The following GLG1 variants were observed in gnomAD, a reference collection of about 807,000 sequenced individuals.
The protein encoded by GLG1 is Golgi apparatus protein 1.
A neutral mutation model predicts 160.5 loss-of-function variants in GLG1; 38 were observed. The observed-to-expected ratio is 0.24, with a 90% confidence interval of 0.18 to 0.31. GLG1 has a LOEUF of 0.31. Among genes scored for constraint, GLG1 ranks in the 10% least tolerant of loss-of-function variants. The probability of loss-of-function intolerance (pLI) is 1.00; values close to 1 mark genes in which losing one functional copy is unlikely to be tolerated. For synonymous variants in GLG1, 644 were observed against 543.4 expected, an observed-to-expected ratio of 1.19 and a Z score of -2.57; for missense variants, 1,373 against 1,505.2, an observed-to-expected ratio of 0.91 and a Z score of 1.45.
At chr16:74,602,136 A>G (rs1157638180) in intron 1 of GLG1, among the ~76,000 whole-genome samples, 4 of 152,162 alleles carry the variant, frequency 2.6e-5, no homozygotes, top group African/African-American at 9.7e-5. Context: ...TGAGTCTAAA[A>G]GGGGGTTTAT....
intron 25 of GLG1, among the ~76,000 whole-genome samples, chr16:74,453,630 T>A (rs1332414982): frequency 1.3e-5 from 2 of 152,180 alleles, no homozygotes; most frequent in African/African-American, 4.8e-5. Context: ...TGTCGGGCCC[T>A]GGACGAAGGG....
At position 74,480,390 on chromosome 16, in the gene GLG1, C is replaced by T; in HGVS notation, c.1678G>A (p.Asp560Asn). Residue 560 changes from aspartate to asparagine, a missense_variant, in exon 11 of 26, where the codon GAC becomes AAC. This residue lies in a region of GLG1 where 386 missense variants were observed against 388.5 expected (regional missense o/e 0.99). Coordinates refer to ENST00000422840, the MANE Select transcript of GLG1 (RefSeq NM_001145667.2). ...TGGCACTTGCGGTACAGGACAGGGTCCAGCCTATAAGGTTAAGAGTTAAAA... is the reference window on the plus strand; with the variant it reads ...TGGCACTTGCGGTACAGGACAGGGTTCAGCCTATAAGGTTAAGAGTTAAAA... ...QYFISRDWKL[D>N]PVLYRKCQGD... is the part of the protein sequence containing the mutation. 4 of 1,609,308 alleles carry T rather than the reference C, an allele frequency of 2.5e-6. No individual in the cohort carries two copies. The highest frequency in any genetic ancestry group is 2.5e-6 in the Non-Finnish European group (3 of 1,177,498).
chr16:74,474,642 T>C lies in GLG1; in HGVS notation c.1966-10A>G, dbSNP rs372186029. The stretch of plus-strand genomic sequence containing the variant: ...GAAGGCACTCCAGCTCCTGCAAATA[T>C]AAAGGCAAGCCACTGGCATTTATCA... On this transcript the variant is annotated splice_polypyrimidine_tract_variant and intron_variant, in intron 12 of 25. Coordinates refer to ENST00000422840, the MANE Select transcript of GLG1 (RefSeq NM_001145667.2). The C allele has an allele frequency of 5.1e-6, 7 of 1,370,374 alleles. No homozygotes were observed. The highest frequency in any genetic ancestry group is 7.3e-6 in the Non-Finnish European group (7 of 957,848). 84.9% of individuals were successfully genotyped at this position (1,370,374 alleles called of 1,614,324 possible). A position where few individuals can be genotyped will look rare whatever the true frequency, so the allele number is the denominator to read the frequency against.
chr16:74,489,385 C>G (rs112166452), intron 8 of GLG1, among the ~76,000 whole-genome samples: 2 of 151,716 alleles, frequency 1.3e-5, no homozygotes, highest in East Asian at 3.9e-4. Context: ...GCAGGAGAAT[C>G]ATTTGAACCC....
intron 4 of GLG1, among the ~76,000 whole-genome samples, chr16:74,502,230 C>G (rs1387862905): frequency 6.6e-6 from 1 of 152,214 alleles, no homozygotes; most frequent in African/African-American, 2.4e-5. Context: ...CCACTGGCAT[C>G]CATTACTTTT....
chr16:74,568,998 T>C (rs970345130), intron 1 of GLG1, among the ~76,000 whole-genome samples: 2 of 152,380 alleles, frequency 1.3e-5, no homozygotes, highest in East Asian at 1.9e-4. Context: ...AGCTCACTTC[T>C]GCCTTGAAGG....
At chr16:74,492,705 G>A (rs548627880) in intron 7 of GLG1, among the ~76,000 whole-genome samples, 1 of 151,922 alleles carries the variant, frequency 6.6e-6, no homozygotes, top group Admixed American at 6.6e-5. Flanking sequence ...TGTAATCCCA[G>A]CTACTTGGGA....
chr16:74,502,978 G>A lies in GLG1; in HGVS notation c.774+553C>T, dbSNP rs143621936. ...TCCCAGCACTTTCGGAGGCCGAGGC[G>A]GGCAGATCACTTGAGGTCAGGAGTT... is the stretch of plus-strand genomic sequence containing the variant. On this transcript the variant is annotated intron_variant, in intron 4 of 25. Transcript: ENST00000422840. Among the ~76,000 whole-genome samples the A allele has an allele frequency of 3.9e-4, 59 of 151,686 alleles. No individual in the cohort carries two copies. In the East Asian group the frequency reaches 7.3e-3, roughly 19 times the overall value.
intron 5 of GLG1, among the ~76,000 whole-genome samples, chr16:74,495,563 C>A (rs1029874546): frequency 6.6e-6 from 1 of 152,124 alleles, no homozygotes; most frequent in Admixed American, 6.5e-5. Flanking sequence ...GATGGAGAGA[C>A]CATTCTATTT....
chr16:74,534,699 CCT>C (rs1266443609), intron 1 of GLG1, among the ~76,000 whole-genome samples: 2 of 151,940 alleles, frequency 1.3e-5, no homozygotes, highest in Non-Finnish European at 2.9e-5. Context: ...ACATCCAGAT[CCT>C]CTGTTTTGTA....
intron 7 of GLG1, 110 bp from the exon 8 acceptor site, chr16:74,491,325 T>C: frequency 6.3e-6 from 5 of 787,822 alleles, no homozygotes; most frequent in Non-Finnish European, 8.5e-6. Context: ...AATATACCTA[T>C]CAGACATGCT....
At chr16:74,463,744 G>GTTA in intron 19 of GLG1, 4 of 426,838 alleles carry the variant, frequency 9.4e-6, no homozygotes, top group Non-Finnish European at 1.3e-5. Flanking sequence ...TGTTGTTGTT[G>GTTA]TTGTTGTTTT....
At position 74,449,673 on chromosome 16, in the gene GLG1, T is replaced by A. The variant is rs2014210362; in HGVS notation, c.*3494A>T. The A allele has an allele frequency of 6.6e-6, 1 of 152,126 alleles. No individual in the cohort carries two copies. The highest frequency in any genetic ancestry group is 2.1e-4 in the South Asian group (1 of 4,820). 9.4% of individuals were successfully genotyped at this position (152,126 alleles called of 1,614,324 possible). On this transcript the variant is annotated 3_prime_UTR_variant, in exon 26 of 26. Transcript: ENST00000422840. ...GAGACAGCCAAAGGCCTGCAGTGTG[T>A]TCAAGTCAATACCTGCTCACTCAAC...
intron 1 of GLG1, among the ~76,000 whole-genome samples, chr16:74,556,148 C>G (rs911962347): frequency 2.0e-5 from 3 of 152,130 alleles, no homozygotes; most frequent in Non-Finnish European, 4.4e-5. Flanking sequence ...AAATCGCCTA[C>G]TTTATATTAC....
Position 74,496,450 on chromosome 16 carries a change from A to G in GLG1, c.969T>C (p.Phe323=), listed in dbSNP as rs1210481660. 1 of 1,611,638 alleles carries G rather than the reference A, an allele frequency of 6.2e-7. No individual in the cohort carries two copies. The highest frequency in any genetic ancestry group is 8.5e-7 in the Non-Finnish European group (1 of 1,177,770). The change falls in exon 5 of 26, where the codon TTT becomes TTC. Residue 323 remains phenylalanine, a synonymous_variant. Transcript: ENST00000422840. The stretch of plus-strand genomic sequence containing the variant: ...TTCTGAGCTGACTCACATTTTCACA[A>G]AAACGCTCCCGATCATCTCGGCAAG... The part of the protein sequence containing the change: ...YFACRDDRER[F]CENTQAGEGR...
intron 25 of GLG1, among the ~76,000 whole-genome samples, chr16:74,453,681 A>T (rs2143114264): frequency 6.6e-6 from 1 of 152,286 alleles, no homozygotes; most frequent in East Asian, 1.9e-4. Context: ...CACCAAGCCT[A>T]GCAAGCAGAT....
chr16:74,499,931 A>T (rs1289052199), intron 4 of GLG1, among the ~76,000 whole-genome samples: 2 of 152,184 alleles, frequency 1.3e-5, no homozygotes, highest in African/African-American at 4.8e-5. Context: ...TGAACCTGGG[A>T]GGCGGAACTT....
At chr16:74,464,868 A>C (rs947602789) in intron 19 of GLG1, among the ~76,000 whole-genome samples, 1 of 152,022 alleles carries the variant, frequency 6.6e-6, no homozygotes. Flanking sequence ...TTTGAGACAG[A>C]GTCTTACTCT....
At chr16:74,533,377 T>C (rs936865355) in intron 1 of GLG1, among the ~76,000 whole-genome samples, 2 of 152,120 alleles carry the variant, frequency 1.3e-5, no homozygotes, top group Non-Finnish European at 2.9e-5. Flanking sequence ...AAAAAAAGTG[T>C]GGACTAGGTT....
Sources: allele counts gnomAD v4.1 joint callset (sites outside exome capture counted in the v4.1 genomes callset), GRCh38; gene constraint gnomAD v4.1.1; regional missense constraint gnomAD v4.1.1; transcripts MANE v1.5; gene names NCBI Gene and HGNC (gene_info 2026-07-23, HGNC 2026-07-21).